Variants in GEMIN8 observed in about 807,000 individuals in gnomAD.
GEMIN8 encodes the protein gem-associated protein 8.
For missense variants in GEMIN8, 185 were observed against 205.9 expected (o/e 0.90, Z 0.62); for synonymous variants, 80 against 78.5 (o/e 1.02, Z -0.10).
chrX:14,026,221 G>T lies in GEMIN8; in HGVS notation c.-115C>A. On this transcript the variant is annotated splice_region_variant and 5_prime_UTR_variant, in exon 2 of 5. Transcript: ENST00000680255. ...AACTTTTCTCCAATGGGCTGGTGGA[G>T]CTGAAAGAAAAGAGATTGGCAATGT... is the stretch of plus-strand genomic sequence containing the variant. 1.3e-6 allele frequency: 1 copy of T among 751,221 alleles called. No homozygotes were observed. The highest frequency in any genetic ancestry group is 1.6e-6 in the Non-Finnish European group (1 of 636,179). 61.9% of individuals were successfully genotyped at this position (751,221 alleles called of 1,213,427 possible). A position where few individuals can be genotyped will look rare whatever the true frequency, so the allele number is the denominator to read the frequency against.
Position 14,006,830 on chromosome X carries a change from C to T in GEMIN8, c.*2083G>A, listed in dbSNP as rs1007305592. 1.8e-5 allele frequency among the ~76,000 whole-genome samples: 2 copies of T among 111,752 alleles called. No homozygotes were observed. The highest frequency in any genetic ancestry group is 1.9e-4 in the Admixed American group (2 of 10,497). On this transcript the variant is annotated 3_prime_UTR_variant, in exon 5 of 5. Coordinates refer to ENST00000680255, the MANE Select transcript of GEMIN8 (RefSeq NM_001042479.2). ...TGACCCCACGAGAGAATTATTAACA[C>T]TCATTTTAAGGATAAGGAAGGAACC... is the stretch of plus-strand genomic sequence containing the variant.
downstream of GEMIN8, among the ~76,000 whole-genome samples, chrX:14,002,627 G>A (rs983248221): frequency 2.7e-5 from 3 of 110,668 alleles, no homozygotes; most frequent in Non-Finnish European, 5.7e-5. Flanking sequence ...CCTCAGCTTC[G>A]GGAGTAGCTG....
At chrX:14,006,260 T>A (rs1347423237), downstream of GEMIN8, among the ~76,000 whole-genome samples, 1 of 110,500 alleles carries the variant, frequency 9.0e-6, no homozygotes, top group East Asian at 2.8e-4. Context: ...AACTCCTGAC[T>A]TCAGGCGATC....
In GEMIN8 at chrX:14,014,216, T is replaced by C. The variant is rs1392041387; in HGVS notation, c.473-5047A>G. ...GACTAGTACATCTTTCTGATTATAT[T>C]TTCTGCTATTTTGCCAAAATGAATA... On this transcript the variant is annotated intron_variant, in intron 4 of 4. Transcript: ENST00000680255. 4.0e-6 allele frequency: 3 copies of C among 749,393 alleles called. No individual in the cohort carries two copies. The African/African-American group carries it at 7.0e-5, about 17-fold the overall frequency. The allele number at this position is 749,393 out of a possible 1,213,427, so 61.8% of individuals were successfully genotyped here. A position where few individuals can be genotyped will look rare whatever the true frequency, so the allele number is the denominator to read the frequency against.
At chrX:13,994,378 C>T in the GEMIN8 span, among the ~76,000 whole-genome samples, 657 of 112,022 alleles carry the variant, frequency 5.9e-3, 11 homozygotes, top group East Asian at 0.097. Context: ...ACATTGGCCC[C>T]CGAGCTTCTC....
chrX:14,004,611 A>C (rs1923078356), downstream of GEMIN8, among the ~76,000 whole-genome samples: 1 of 112,464 alleles, frequency 8.9e-6, no homozygotes, highest in Non-Finnish European at 1.9e-5. Flanking sequence ...TCTGTTGCCC[A>C]GGCTGACACG....
chrX:14,021,820 A>ATATATATATATATAC (rs1924350586), intron 2 of GEMIN8, among the ~76,000 whole-genome samples: 1 of 48,881 alleles, frequency 2.0e-5, no homozygotes, highest in African/African-American at 9.1e-5. Flanking sequence ...GTGTGTATAT[A>ATATATATATATATAC]TATATATATA....
At chrX:14,003,831 CT>C (rs1923052061), downstream of GEMIN8, among the ~76,000 whole-genome samples, 1 of 112,101 alleles carries the variant, frequency 8.9e-6, no homozygotes, top group African/African-American at 3.2e-5. Flanking sequence ...GAGGGTGAGG[CT>C]TATAGTAAGC....
chrX:14,024,148 G>A (rs923446122), intron 2 of GEMIN8, among the ~76,000 whole-genome samples: 12 of 112,337 alleles, frequency 1.1e-4, no homozygotes, highest in African/African-American at 3.2e-5. Flanking sequence ...ACCATTTTAA[G>A]GAGTTCAAGG....
chrX:14,023,465 C>T (rs969994975), intron 2 of GEMIN8, among the ~76,000 whole-genome samples: 3 of 110,086 alleles, frequency 2.7e-5, no homozygotes, highest in African/African-American at 6.6e-5. Flanking sequence ...CTGCAACCTC[C>T]GCCTCCCAGG....
At chrX:13,990,637 G>A in the GEMIN8 span, among the ~76,000 whole-genome samples, 2 of 112,813 alleles carry the variant, frequency 1.8e-5, no homozygotes, top group Non-Finnish European at 3.7e-5. Context: ...CATCCTTGGA[G>A]ACACTTTTGC....
the GEMIN8 span, among the ~76,000 whole-genome samples, chrX:13,993,826 G>C: frequency 2.7e-5 from 3 of 111,621 alleles, no homozygotes; most frequent in Non-Finnish European, 3.8e-5. Flanking sequence ...TCAATGTGCA[G>C]TCTATAGACC....
chrX:14,024,519 A>G (rs923621280), intron 2 of GEMIN8, among the ~76,000 whole-genome samples: 1 of 110,098 alleles, frequency 9.1e-6, no homozygotes, highest in African/African-American at 3.3e-5. Flanking sequence ...ACAAAAACAA[A>G]AAAAAAAAGA....
intron 4 of GEMIN8, among the ~76,000 whole-genome samples, chrX:14,012,126 C>T (rs1288581289): frequency 9.3e-6 from 1 of 107,637 alleles, no homozygotes; most frequent in African/African-American, 3.4e-5. Context: ...CAGGCTTCCT[C>T]ATGAATTTTT....
In GEMIN8 at chrX:14,021,269, T is replaced by C. The variant is rs770134313; in HGVS notation, c.15+195A>G. 1.2e-4 allele frequency among the ~76,000 whole-genome samples: 11 copies of C among 91,828 alleles called. No individual in the cohort carries two copies. In the South Asian group the frequency reaches 3.0e-3, roughly 25 times the overall value. 79.7% of individuals were successfully genotyped at this position (91,828 alleles called of 115,157 possible). On this transcript the variant is annotated intron_variant, in intron 3 of 4. Coordinates refer to ENST00000680255, the MANE Select transcript of GEMIN8 (RefSeq NM_001042479.2). ...GTGGGGTGGGGGGAGGGGGGAGGGA[T>C]AGCATTAGGAGATATACCTAATGTT...
At chrX:14,009,337 C>T (rs763974880) in intron 4 of GEMIN8, among the ~76,000 whole-genome samples, 168 bp from the exon 5 acceptor site, 3 of 111,940 alleles carry the variant, frequency 2.7e-5, no homozygotes, top group East Asian at 5.6e-4. Flanking sequence ...AGATGAGATG[C>T]TTACCAGATT....
chrX:14,012,906 G>A (rs887615295), intron 4 of GEMIN8, among the ~76,000 whole-genome samples: 1 of 111,085 alleles, frequency 9.0e-6, no homozygotes. Flanking sequence ...TCTTACATTC[G>A]AATTGCTTTG....
Position 14,020,079 on chromosome X carries a change from T to A in GEMIN8, c.471A>T (p.Arg157=). The change falls in exon 4 of 5, where the codon CGA becomes CGT. Residue 157 remains arginine, a splice_region_variant and synonymous_variant. Transcript: ENST00000680255. The part of the protein sequence containing the change: ...FAETERHREE[R]RRQQQLDAER... ...GAAGAGACAGAGGCCTGAACTTACG[T>A]CGTTCTTCTCTATGCCTCTCGGTCT... 8.7e-7 allele frequency: 1 copy of A among 1,155,753 alleles called. No individual in the cohort carries two copies. The highest frequency in any genetic ancestry group is 1.2e-6 in the Non-Finnish European group (1 of 849,000).
intron 4 of GEMIN8, among the ~76,000 whole-genome samples, chrX:14,017,890 C>T (rs745306895): frequency 8.9e-6 from 1 of 112,239 alleles, no homozygotes; most frequent in Non-Finnish European, 1.9e-5. Context: ...TCCACTGTAT[C>T]TTTCTTGGGG....
Sources: gnomAD v4.1 joint callset for allele counts (sites outside exome capture counted in the v4.1 genomes callset) on GRCh38, gnomAD v4.1.1 for gene constraint, MANE v1.5 for transcripts, NCBI Gene and HGNC (gene_info 2026-07-23, HGNC 2026-07-21) for gene names.